Variants in RTF2 observed in about 807,000 individuals in gnomAD.
RTF2 encodes the protein replication termination factor 2.
A neutral mutation model predicts 38.0 loss-of-function variants in RTF2; 18 were observed. The observed-to-expected ratio is 0.47, with a 90% CI of 0.33 to 0.70. RTF2 has a LOEUF of 0.70. Among genes scored for constraint, RTF2 ranks in the 30% least tolerant of loss-of-function variants. RTF2 has a pLI of 0.02. For missense variants in RTF2, 311 were observed against 379.6 expected (o/e 0.82, Z 1.50); for synonymous variants, 126 against 137.1 (o/e 0.92, Z 0.57).
Position 56,518,099 on chromosome 20 carries a change from G to T in RTF2, c.755G>T (p.Ser252Ile). Reference protein sequence around the residue: ...LAPKSTAMNESSSGKAGKPPC... With the variant: ...LAPKSTAMNEISSGKAGKPPC... ...TTCATTTTTCTAGCAATGAATGAGA[G>T]CTCTTCTGGAAAAGCTGGGAAGCCT... is the stretch of plus-strand genomic sequence containing the variant. The change falls in exon 9 of 9, where the codon AGC (serine) becomes ATC (isoleucine). Residue 252 changes from serine (S) to isoleucine (I), a missense_variant. Ser to Ile is a moderately radical substitution (Grantham distance 142). Coordinates refer to ENST00000357348, the MANE Select transcript of RTF2 (RefSeq NM_016407.5). 6.2e-7 allele frequency: 1 copy of T among 1,609,966 alleles called. No homozygotes were observed. The highest frequency in any genetic ancestry group is 8.5e-7 in the Non-Finnish European group (1 of 1,178,808).
chr20:56,516,164 C>A (rs556469255), intron 6 of RTF2: 1 of 152,316 alleles, frequency 6.6e-6, no homozygotes, highest in South Asian at 2.1e-4. Context: ...TTCTTTAATG[C>A]TCAGTGCTGG....
chr20:56,484,194 G>C lies in RTF2; in HGVS notation c.477+5G>C. On this transcript the variant is annotated splice_donor_5th_base_variant and intron_variant, in intron 5 of 8. Transcript: ENST00000357348. ...AAAGCGGAAGTTTGCCACACGGTGA[G>C]TTCCTGACATGTACCATTTGTTCCT... The C allele has an allele frequency of 6.2e-7, 1 of 1,609,924 alleles. No individual in the cohort carries two copies. Among genetic ancestry groups the C allele is most frequent in the Non-Finnish European group, 8.5e-7 (1 of 1,176,158 alleles).
chr20:56,516,758 A>G, intron 6 of RTF2, 177 bp from the exon 7 acceptor site: 1 of 656,846 alleles, frequency 1.5e-6, no homozygotes, highest in Non-Finnish European at 2.7e-6. Context: ...TGTCACATGC[A>G]GAGGGTGAAG....
At chr20:56,497,522 AG>A in intron 5 of RTF2, 1 of 1,452,202 alleles carries the variant, frequency 6.9e-7, no homozygotes, top group Non-Finnish European at 9.2e-7. Flanking sequence ...ATTCTGCAGG[AG>A]TTGGATTCCT....
At chr20:56,482,550 A>G (rs922219691) in intron 4 of RTF2, among the ~76,000 whole-genome samples, 1 of 152,278 alleles carries the variant, frequency 6.6e-6, no homozygotes, top group Admixed American at 6.5e-5. Flanking sequence ...AAAGATTTAA[A>G]TATATAGAAA....
intron 6 of RTF2, among the ~76,000 whole-genome samples, chr20:56,515,028 C>T (rs530015866): frequency 6.0e-5 from 9 of 149,034 alleles, no homozygotes; most frequent in Non-Finnish European, 8.9e-5. Context: ...GCCTGACAGA[C>T]TCCCTCTAAA....
At chr20:56,479,329 A>C (rs1011760769) in intron 4 of RTF2, among the ~76,000 whole-genome samples, 2 of 150,750 alleles carry the variant, frequency 1.3e-5, no homozygotes, top group African/African-American at 4.9e-5. Context: ...GGGTTCAAGT[A>C]ATTCTGCTGC....
chr20:56,495,133 T>C (rs1330883954), intron 5 of RTF2: 3 of 1,073,080 alleles, frequency 2.8e-6, no homozygotes, highest in African/African-American at 3.1e-5. Flanking sequence ...CCACTAGGAT[T>C]GAGGCAGCAG....
At chr20:56,515,285 A>G (rs1475003715) in intron 6 of RTF2, among the ~76,000 whole-genome samples, 3 of 152,112 alleles carry the variant, frequency 2.0e-5, no homozygotes, top group African/African-American at 7.2e-5. Context: ...AAAACACAAA[A>G]GGGCAGCCGG....
rs1343764322 is a variant in RTF2 at position 56,519,353 on chromosome 20, C to T, written c.*1088C>T. 1 of 152,200 alleles carries T rather than the reference C, an allele frequency of 6.6e-6. No homozygotes were observed. Among genetic ancestry groups the T allele is most frequent in the Admixed American group, 6.5e-5 (1 of 15,282 alleles). The allele number at this position is 152,200 out of a possible 1,614,324, so 9.4% of individuals were successfully genotyped here. A position where few individuals can be genotyped will look rare whatever the true frequency, so the allele number is the denominator to read the frequency against. On this transcript the variant is annotated 3_prime_UTR_variant, in exon 9 of 9. Transcript: ENST00000357348. ...GTGTGGCCCTGCTTTTTCTCAAACC[C>T]TGTGTGGTTCCCGGCTTCACAGTTG...
rs182067719 is a variant in RTF2 at position 56,490,566 on chromosome 20, G to T, written c.477+6377G>T. On this transcript the variant is annotated intron_variant, in intron 5 of 8. Coordinates refer to ENST00000357348, the MANE Select transcript of RTF2 (RefSeq NM_016407.5). Reference sequence around the variant, plus strand: ...GCGGTGGCTCACGCCTGTGATCCCAGCACTTTGGGAGGCCAAGGCAGGCGG... The same window carrying T: ...GCGGTGGCTCACGCCTGTGATCCCATCACTTTGGGAGGCCAAGGCAGGCGG... Among the ~76,000 whole-genome samples, 248 of 152,364 alleles carry T rather than the reference G, an allele frequency of 1.6e-3. 1 individual carries two copies. The highest frequency in any genetic ancestry group is 5.6e-3 in the African/African-American group (231 of 41,582).
intron 5 of RTF2, among the ~76,000 whole-genome samples, chr20:56,506,015 G>A (rs1220633982): frequency 1.3e-5 from 2 of 152,144 alleles, no homozygotes; most frequent in Non-Finnish European, 2.9e-5. Context: ...CAAAACATAC[G>A]ACGTGATGGG....
chr20:56,481,038 C>T (rs114323010), intron 4 of RTF2, among the ~76,000 whole-genome samples: 140 of 152,292 alleles, frequency 9.2e-4, no homozygotes, highest in African/African-American at 3.2e-3. Context: ...TTGCCGTGAA[C>T]CTTCAGTCTA....
chr20:56,504,690 C>T (rs1278382978), intron 5 of RTF2, among the ~76,000 whole-genome samples: 2 of 152,160 alleles, frequency 1.3e-5, no homozygotes, highest in Non-Finnish European at 2.9e-5. Context: ...ACATCCTTTC[C>T]TTTTCTGGTT....
chr20:56,504,489 CCT>C (rs1984132086), intron 5 of RTF2, among the ~76,000 whole-genome samples: 1 of 152,162 alleles, frequency 6.6e-6, no homozygotes, highest in Non-Finnish European at 1.5e-5. Context: ...ACTTAAAAAT[CCT>C]GTTTCTCCAT....
At chr20:56,509,905 T>C (rs1033753576) in intron 5 of RTF2, among the ~76,000 whole-genome samples, 2 of 152,014 alleles carry the variant, frequency 1.3e-5, no homozygotes, top group Non-Finnish European at 1.5e-5. Context: ...GATGAAACTT[T>C]ATTTGGCAAT....
At chr20:56,493,656 C>CAA (rs57274640) in intron 5 of RTF2, among the ~76,000 whole-genome samples, 17,323 of 117,796 alleles carry the variant, frequency 0.15, 2,934 homozygotes, top group East Asian at 0.54. Context: ...GACCCTGTCT[C>CAA]AAAAAAAAAA....
At chr20:56,474,870 G>A (rs1982158960) in intron 3 of RTF2, 99 bp downstream of exon 3, 3 of 707,274 alleles carry the variant, frequency 4.2e-6, no homozygotes, top group Non-Finnish European at 6.9e-6. Context: ...CAGAAATTTG[G>A]GATTCCATTC....
At chr20:56,468,820 C>T in intron 1 of RTF2, 54 bp downstream of exon 1, 1 of 1,445,790 alleles carries the variant, frequency 6.9e-7, no homozygotes, top group Non-Finnish European at 9.5e-7. Context: ...ATTTGACGAC[C>T]CCAGAAAACG....
Sources: allele counts gnomAD v4.1 joint callset (sites outside exome capture counted in the v4.1 genomes callset), GRCh38; gene constraint gnomAD v4.1.1; transcripts MANE v1.5; gene names NCBI Gene and HGNC (gene_info 2026-07-23, HGNC 2026-07-21).